LHCGR: variants seen among roughly 807,000 people sequenced by gnomAD.
LHCGR encodes the protein luteinizing hormone/choriogonadotropin receptor, also known as lutropin-choriogonadotropic hormone receptor.
In LHCGR, 55 loss-of-function variants were observed where a neutral mutation model predicts 60.7. The observed-to-expected ratio is 0.91, with a 90% CI of 0.73 to 1.13. The LOEUF (loss-of-function observed/expected upper bound fraction) is 1.13, where lower values mean the gene tolerates loss of function less well. Among genes scored for constraint, LHCGR ranks in the 50% most tolerant of loss-of-function variants. The pLI is 0.00. For synonymous variants in LHCGR, 337 were observed against 316.5 expected, an observed-to-expected ratio of 1.06 and a Z score of -0.69; for missense variants, 862 against 836.0, an observed-to-expected ratio of 1.03 and a Z score of -0.38.
At position 48,705,996 on chromosome 2, in the gene LHCGR, C is replaced by T. The variant is rs563673896; in HGVS notation, c.680+2952G>A. 2.0e-5 allele frequency among the ~76,000 whole-genome samples: 3 copies of T among 152,278 alleles called. No individual in the cohort carries two copies. The South Asian group carries it at 6.2e-4, about 32-fold the overall frequency. The stretch of plus-strand genomic sequence containing the variant: ...GCAGTTTCTTCATAGCATTGATGGC[C>T]TTTACAATTTGGTATGTTTTTGCAG... On this transcript the variant is annotated intron_variant, in intron 8 of 10. Coordinates refer to ENST00000294954, the MANE Select transcript of LHCGR (RefSeq NM_000233.4).
chr2:48,716,805 T>A (rs1668269590), intron 6 of LHCGR, among the ~76,000 whole-genome samples: 1 of 152,200 alleles, frequency 6.6e-6, no homozygotes, highest in African/African-American at 2.4e-5. Context: ...CTGAACTTCC[T>A]TAAGTTTGAT....
rs530267499 is a variant in LHCGR at position 48,732,423 on chromosome 2, C to T, written c.162-1125G>A. Among the ~76,000 whole-genome samples, 6 of 152,288 alleles carry T rather than the reference C, an allele frequency of 3.9e-5. No individual in the cohort carries two copies. In the South Asian group the frequency reaches 1.2e-3, roughly 32 times the overall value. On this transcript the variant is annotated intron_variant, in intron 1 of 10. Transcript: ENST00000294954. ...TGATGGGCAGATGAAAGTAAGATTT[C>T]TTACAGTCCCAGAAGGGACTTGCTA... is the stretch of plus-strand genomic sequence containing the variant.
At chr2:48,733,025 C>T (rs534929267) in intron 1 of LHCGR, 22 of 523,858 alleles carry the variant, frequency 4.2e-5, no homozygotes, top group African/African-American at 5.8e-5. Flanking sequence ...GAATCATGTT[C>T]GCTTGGCTTC....
chr2:48,698,942 C>T (rs1667264945), intron 8 of LHCGR, 142 bp from the exon 9 acceptor site: 5 of 628,756 alleles, frequency 8.0e-6, no homozygotes, highest in East Asian at 3.4e-5. Flanking sequence ...CCTGGGTTCA[C>T]GCCATTCTCC....
chr2:48,751,332 C>T (rs1233785989), intron 1 of LHCGR, among the ~76,000 whole-genome samples: 6 of 152,138 alleles, frequency 3.9e-5, no homozygotes, highest in Non-Finnish European at 8.8e-5. Context: ...AAATATTTCC[C>T]CCCCAGCCTG....
rs758016158 is a variant in LHCGR at position 48,725,709 on chromosome 2, C to G, written c.350G>C (p.Gly117Ala). 1.9e-6 allele frequency: 3 copies of G among 1,613,622 alleles called. No homozygotes were observed. The highest frequency in any genetic ancestry group is 2.5e-6 in the Non-Finnish European group (3 of 1,179,724). ...NTKNLRYIEP[G>A]AFINLPRLKY... ...TAATCGGGGAAGATTTATAAATGCTCCGGGCTCAATGTATCTCAGATTTTT... is the reference window on the plus strand; with the variant it reads ...TAATCGGGGAAGATTTATAAATGCTGCGGGCTCAATGTATCTCAGATTTTT... The change falls in exon 4 of 11, where the codon GGA becomes GCA. Residue 117 changes from glycine to alanine, a missense_variant. Coordinates refer to ENST00000294954, the MANE Select transcript of LHCGR (RefSeq NM_000233.4).
intron 2 of LHCGR, 83 bp from the exon 3 acceptor site, chr2:48,729,310 C>T (rs1668882704): frequency 9.5e-7 from 1 of 1,051,806 alleles, no homozygotes; most frequent in Non-Finnish European, 1.5e-6. Context: ...ATGTGTGTGA[C>T]CCAACAACTG....
At chr2:48,707,371 G>T (rs184611194) in intron 8 of LHCGR, among the ~76,000 whole-genome samples, 37 of 152,342 alleles carry the variant, frequency 2.4e-4, no homozygotes, top group African/African-American at 7.9e-4. Context: ...CTACATGGGG[G>T]TCAGGGACCC....
chr2:48,688,532 G>T lies in LHCGR; in HGVS notation c.1265C>A (p.Thr422Asn). 6.2e-7 allele frequency: 1 copy of T among 1,614,194 alleles called. No individual in the cohort carries two copies. Among genetic ancestry groups the T allele is most frequent in the Non-Finnish European group, 8.5e-7 (1 of 1,180,048 alleles). The change falls in exon 11 of 11, where the codon ACC becomes AAC. Residue 422 changes from threonine (T) to asparagine (N), a missense_variant. Thr to Asn is a moderately conservative substitution (Grantham distance 65, BLOSUM62 0). Transcript: ENST00000294954. This position sits in a 1 kb window ranked among gnomAD's most constrained non-coding sequence, Gnocchi z 5.2. ...LLLIASVDSQ[T>N]KGQYYNHAID... ...GGCATGGTTATAGTACTGGCCCTTGGTTTGGGAATCAACTGAGGCTATGAG... is the reference window on the plus strand; with the variant it reads ...GGCATGGTTATAGTACTGGCCCTTGTTTTGGGAATCAACTGAGGCTATGAG...
At chr2:48,751,870 C>A (rs1669971508) in intron 1 of LHCGR, among the ~76,000 whole-genome samples, 1 of 152,078 alleles carries the variant, frequency 6.6e-6, no homozygotes, top group Non-Finnish European at 1.5e-5. Flanking sequence ...GTACAACATG[C>A]AAAAAATAAA....
rs145722516 is a variant in LHCGR at position 48,687,860 on chromosome 2, C to T, written c.1937G>A (p.Arg646His). 3.6e-5 allele frequency: 58 copies of T among 1,614,066 alleles called. No individual in the cohort carries two copies. The highest frequency in any genetic ancestry group is 4.4e-5 in the Non-Finnish European group (52 of 1,180,024). Reference protein sequence around the residue: ...LLLSKFGCCKRRAELYRRKDF... With the variant: ...LLLSKFGCCKHRAELYRRKDF... Reference sequence around the variant, plus strand: ...TTTCCTTCTATAAAGTTCAGCCCGACGTTTACAGCAGCCAAATTTGCTCAG... The same window carrying T: ...TTTCCTTCTATAAAGTTCAGCCCGATGTTTACAGCAGCCAAATTTGCTCAG... The change falls in exon 11 of 11, where the codon CGT becomes CAT. Residue 646 changes from arginine (R) to histidine (H), a missense_variant. Physicochemically the swap from Arg to His is conservative, Grantham distance 29. Coordinates refer to ENST00000294954, the MANE Select transcript of LHCGR (RefSeq NM_000233.4).
At chr2:48,751,675 CAAG>C (rs759142179) in intron 1 of LHCGR, among the ~76,000 whole-genome samples, 41 of 152,144 alleles carry the variant, frequency 2.7e-4, no homozygotes, top group Non-Finnish European at 5.3e-4. Flanking sequence ...GGAAGACACT[CAAG>C]AAAGGTGTCA....
intron 9 of LHCGR, among the ~76,000 whole-genome samples, chr2:48,698,074 T>G (rs908361672): frequency 1.9e-4 from 29 of 152,190 alleles, no homozygotes; most frequent in African/African-American, 7.0e-4. Context: ...CACTACTGGA[T>G]GCAAACCATG....
At chr2:48,734,571 C>G (rs879655847) in intron 1 of LHCGR, among the ~76,000 whole-genome samples, 1 of 150,868 alleles carries the variant, frequency 6.6e-6, no homozygotes, top group Non-Finnish European at 1.5e-5. Flanking sequence ...CCTTCCTCCT[C>G]TCTCCCTTCT....
intron 1 of LHCGR, among the ~76,000 whole-genome samples, chr2:48,739,032 G>A (rs911992661): frequency 2.0e-5 from 3 of 152,140 alleles, no homozygotes; most frequent in Non-Finnish European, 4.4e-5. Flanking sequence ...CTACTGTTTG[G>A]CACATCTCCC....
At chr2:48,730,226 A>T (rs563283956) in intron 2 of LHCGR, among the ~76,000 whole-genome samples, 2 of 152,286 alleles carry the variant, frequency 1.3e-5, no homozygotes, top group South Asian at 4.1e-4. Flanking sequence ...TGGCTGATTC[A>T]TCTTATTCCT....
rs1680008553 is a variant in LHCGR, at chr2:48,688,277, T to C, written c.1520A>G (p.Asn507Ser). ...GAAGCAAATACTGACCTTCATGTAA[T>C]TGCTGACACCGACAAGGGGCAACAT... ...IAMLPLVGVS[N>S]YMKVSICFPM... Residue 507 changes from asparagine to serine, a missense_variant, in exon 11 of 11, where the codon AAT (asparagine) becomes AGT (serine). Asn to Ser is a conservative substitution (Grantham distance 46, BLOSUM62 1). Transcript: ENST00000294954. This position sits in a 1 kb window ranked among gnomAD's most constrained non-coding sequence, Gnocchi z 5.2. 1 of 1,614,162 alleles carries C rather than the reference T, an allele frequency of 6.2e-7. No homozygotes were observed. The highest frequency in any genetic ancestry group is 8.5e-7 in the Non-Finnish European group (1 of 1,180,034).
intron 7 of LHCGR, among the ~76,000 whole-genome samples, chr2:48,710,016 A>G (rs980864265): frequency 4.6e-5 from 7 of 152,212 alleles, no homozygotes; most frequent in African/African-American, 1.7e-4. Context: ...GCGTGGGAAC[A>G]TGATTCTCTT....
chr2:48,691,302 A>G (rs1666800375), intron 10 of LHCGR, among the ~76,000 whole-genome samples: 1 of 152,200 alleles, frequency 6.6e-6, no homozygotes, highest in Non-Finnish European at 1.5e-5. Context: ...GGGAAAGAAC[A>G]CAGATTTTTA....
Sources: gnomAD v4.1 joint callset for allele counts (sites outside exome capture counted in the v4.1 genomes callset) on GRCh38, gnomAD v4.1.1 for gene constraint, Gnocchi (gnomAD v3.1) non-coding constraint, MANE v1.5 for transcripts, NCBI Gene and HGNC (gene_info 2026-07-23, HGNC 2026-07-21) for gene names.